Variants in ATF7IP2 observed in about 807,000 individuals in gnomAD.
ATF7IP2 encodes the protein activating transcription factor 7-interacting protein 2.
In ATF7IP2, 42 loss-of-function variants were observed where a neutral mutation model predicts 64.2. That is an observed-to-expected ratio of 0.65 (90% CI 0.51 to 0.85). The LOEUF (loss-of-function observed/expected upper bound fraction) is 0.85. ATF7IP2 is among the 40% of genes least tolerant of loss of function. The pLI, the probability that ATF7IP2 is intolerant of heterozygous loss-of-function variation, is 0.00. For synonymous variants in ATF7IP2, 308 were observed against 272.8 expected (o/e 1.13, Z -1.27); for missense variants, 933 against 784.2 (o/e 1.19, Z -2.27).
At chr16:10,450,359 C>G (rs1169812193) in intron 8 of ATF7IP2, among the ~76,000 whole-genome samples, 1 of 152,136 alleles carries the variant, frequency 6.6e-6, no homozygotes, top group African/African-American at 2.4e-5. Flanking sequence ...AGTTCTAGTC[C>G]TGAGTATCCT....
intron 3 of ATF7IP2, among the ~76,000 whole-genome samples, chr16:10,421,317 CT>C (rs2141842458): frequency 6.6e-6 from 1 of 152,268 alleles, no homozygotes; most frequent in East Asian, 1.9e-4. Context: ...TTCTCTGGAT[CT>C]TTTCTACTTA....
chr16:10,440,809 A>G (rs555884573), intron 8 of ATF7IP2, among the ~76,000 whole-genome samples: 57 of 152,298 alleles, frequency 3.7e-4, no homozygotes, highest in Non-Finnish European at 5.9e-4. Context: ...GTGCAGTTGC[A>G]TTACATAGGT....
intron 12 of ATF7IP2, among the ~76,000 whole-genome samples, chr16:10,479,958 C>CTTTTTT (rs201158427): frequency 2.7e-4 from 22 of 80,586 alleles, no homozygotes; most frequent in East Asian, 1.1e-3. Context: ...ACTGGAAATA[C>CTTTTTT]TTTTTTTTTT....
intron 9 of ATF7IP2, among the ~76,000 whole-genome samples, chr16:10,470,747 C>T (rs1328901586): frequency 1.3e-5 from 2 of 151,658 alleles, no homozygotes; most frequent in African/African-American, 4.8e-5. Flanking sequence ...TGCACCACTA[C>T]ACTCCAGCCT....
Position 10,472,108 on chromosome 16 carries a change from AGT to A in ATF7IP2, c.1353-1_1353del. 1 of 1,508,046 alleles carries A rather than the reference AGT, an allele frequency of 6.6e-7. No homozygotes were observed. Among genetic ancestry groups the A allele is most frequent in the East Asian group, 2.3e-5 (1 of 43,766 alleles). The allele number at this position is 1,508,046 out of a possible 1,614,324, so 93.4% of individuals were successfully genotyped here. ...GTTTTTAATTTCTTTTTATCATTTTAGTAACAATGATGATGTTATGTTGATTT... is the reference window on the plus strand; with the variant it reads ...GTTTTTAATTTCTTTTTATCATTTTAAACAATGATGATGTTATGTTGATTT... On this transcript the variant is annotated splice_acceptor_variant and coding_sequence_variant, in exon 10 of 14. Coordinates refer to ENST00000562102, the MANE Select transcript of ATF7IP2 (RefSeq NM_001393719.1). LOFTEE classifies it high-confidence loss of function.
At chr16:10,405,105 G>A (rs982714717) in intron 1 of ATF7IP2, among the ~76,000 whole-genome samples, 1 of 152,024 alleles carries the variant, frequency 6.6e-6, no homozygotes. Flanking sequence ...GCTCATGCCT[G>A]TAATCTCGGC....
chr16:10,390,852 C>T (rs1474425708), intron 1 of ATF7IP2, among the ~76,000 whole-genome samples: 1 of 152,060 alleles, frequency 6.6e-6, no homozygotes, highest in Non-Finnish European at 1.5e-5. Flanking sequence ...ACAAGAACAG[C>T]AAAGCAAACG....
chr16:10,459,966 A>T (rs796561433), intron 9 of ATF7IP2, among the ~76,000 whole-genome samples: 4 of 152,322 alleles, frequency 2.6e-5, no homozygotes, highest in African/African-American at 9.6e-5. Flanking sequence ...AAAAATACAA[A>T]GTATAGTAAA....
At chr16:10,435,955 C>A (rs2048405006) in intron 6 of ATF7IP2, among the ~76,000 whole-genome samples, 1 of 152,210 alleles carries the variant, frequency 6.6e-6, no homozygotes, top group East Asian at 1.9e-4. Flanking sequence ...AGATTTGTTT[C>A]TCCAAGATTC....
chr16:10,423,894 A>G (rs117680234), intron 3 of ATF7IP2, among the ~76,000 whole-genome samples: 2 of 152,174 alleles, frequency 1.3e-5, no homozygotes, highest in African/African-American at 2.4e-5. Flanking sequence ...CCTCCAGCGT[A>G]GTTCCATGTT....
At chr16:10,398,944 T>C (rs988876302) in intron 1 of ATF7IP2, among the ~76,000 whole-genome samples, 6 of 152,112 alleles carry the variant, frequency 3.9e-5, no homozygotes, top group African/African-American at 1.4e-4. Flanking sequence ...AGAAACCCCA[T>C]CTCTACTAAA....
intron 5 of ATF7IP2, 64 bp from the exon 6 acceptor site, chr16:10,433,461 C>T: frequency 6.8e-7 from 1 of 1,479,020 alleles, no homozygotes; most frequent in South Asian, 1.2e-5. Flanking sequence ...AGACATGAGC[C>T]ACCACACTGA....
chr16:10,406,738 C>T (rs1397130412), intron 1 of ATF7IP2, among the ~76,000 whole-genome samples: 7 of 151,960 alleles, frequency 4.6e-5, no homozygotes, highest in East Asian at 1.9e-4. Context: ...CTGAACAGAC[C>T]AGTAAAAAGT....
intron 1 of ATF7IP2, among the ~76,000 whole-genome samples, chr16:10,404,684 T>C (rs1193924337): frequency 6.6e-6 from 1 of 152,150 alleles, no homozygotes; most frequent in Non-Finnish European, 1.5e-5. Context: ...ACTACAAGCA[T>C]GTGCCACCAT....
chr16:10,397,164 C>T (rs1315184580), intron 1 of ATF7IP2, among the ~76,000 whole-genome samples: 1 of 152,150 alleles, frequency 6.6e-6, no homozygotes, highest in Non-Finnish European at 1.5e-5. Context: ...TCTGAGTTCT[C>T]TATTCTGTTC....
At chr16:10,429,413 C>T (rs1369722046) in intron 4 of ATF7IP2, among the ~76,000 whole-genome samples, 2 of 152,220 alleles carry the variant, frequency 1.3e-5, no homozygotes, top group Non-Finnish European at 2.9e-5. Flanking sequence ...TACAATGGCA[C>T]GATCTCGGCT....
chr16:10,419,152 A>C (rs141704322), intron 2 of ATF7IP2, among the ~76,000 whole-genome samples: 7,052 of 152,320 alleles, frequency 0.046, 208 homozygotes, highest in Non-Finnish European at 0.075. Flanking sequence ...TTATAGGAGC[A>C]GATTTATTAT....
At chr16:10,460,291 T>A (rs572843239) in intron 9 of ATF7IP2, among the ~76,000 whole-genome samples, 1 of 152,138 alleles carries the variant, frequency 6.6e-6, no homozygotes, top group East Asian at 1.9e-4. Context: ...TAAAAAGATA[T>A]ATGGTGTGGA....
intron 1 of ATF7IP2, among the ~76,000 whole-genome samples, chr16:10,393,264 T>C (rs2047361905): frequency 7.1e-6 from 1 of 140,420 alleles, no homozygotes; most frequent in African/African-American, 2.7e-5. Context: ...GAGCTGAGAT[T>C]GCCTCAATGC....
Sources: gnomAD v4.1 joint callset for allele counts (sites outside exome capture counted in the v4.1 genomes callset) on GRCh38, gnomAD v4.1.1 for gene constraint, MANE v1.5 for transcripts, NCBI Gene and HGNC (gene_info 2026-07-23, HGNC 2026-07-21) for gene names.